Variants in FOXK1 observed in about 807,000 individuals in gnomAD.
FOXK1 encodes the protein forkhead box K1.
FOXK1 carries 19 observed loss-of-function variants against 51.9 expected under a neutral mutation model. That is an observed-to-expected ratio of 0.37 (90% confidence interval 0.26 to 0.54). The LOEUF (loss-of-function observed/expected upper bound fraction) is 0.54, where lower values mean the gene tolerates loss of function less well. Among genes scored for constraint, FOXK1 ranks in the 20% least tolerant of loss-of-function variants. FOXK1 has a pLI of 0.87. For synonymous variants in FOXK1, 537 were observed against 482.6 expected, an observed-to-expected ratio of 1.11 and a Z score of -1.48; for missense variants, 870 against 1,032.7, an observed-to-expected ratio of 0.84 and a Z score of 2.16.
intron 1 of FOXK1, among the ~76,000 whole-genome samples, chr7:4,700,159 C>T (rs143423778): frequency 4.6e-5 from 7 of 152,306 alleles, no homozygotes; most frequent in African/African-American, 1.4e-4. Context: ...TGTGGCCTGT[C>T]GTTGTTTGTG....
chr7:4,738,256 G>A (rs1157603400), intron 1 of FOXK1, among the ~76,000 whole-genome samples: 1 of 151,584 alleles, frequency 6.6e-6, no homozygotes, highest in South Asian at 2.1e-4. Context: ...GGCCAACATG[G>A]TGAAACCCCA....
In FOXK1 at chr7:4,714,105, T is replaced by G. The variant is rs115421213; in HGVS notation, c.561-26733T>G. On this transcript the variant is annotated intron_variant, in intron 1 of 8. Transcript: ENST00000328914. ...CTTCCCAGAGTGCTGGGATTACAGA[T>G]GTCAGCCACTGTGCCCAGCCTCTTG... Among the ~76,000 whole-genome samples the G allele has an allele frequency of 4.3e-3, 655 of 152,216 alleles. 6 individuals are homozygous for G. Among genetic ancestry groups the G allele is most frequent in the African/African-American group, 0.015 (632 of 41,526 alleles).
chr7:4,693,074 T>A (rs1779914149), intron 1 of FOXK1, among the ~76,000 whole-genome samples: 1 of 152,244 alleles, frequency 6.6e-6, no homozygotes. Flanking sequence ...TGTGTTACGT[T>A]AAAACCTATT....
In FOXK1 at chr7:4,723,160, T is replaced by C. The variant is rs1780337052; in HGVS notation, c.561-17678T>C. Among the ~76,000 whole-genome samples, 2 of 151,866 alleles carry C rather than the reference T, an allele frequency of 1.3e-5. No homozygotes were observed. Among genetic ancestry groups the C allele is most frequent in the Admixed American group, 1.3e-4 (2 of 15,220 alleles). ...GTGAGCGGAGCCAGCTTCAAAGCAC[T>C]GGGTCCAGGGCGCCTGCTCGCGGTC... is the stretch of plus-strand genomic sequence containing the variant. On this transcript the variant is annotated intron_variant, in intron 1 of 8. Coordinates refer to ENST00000328914, the MANE Select transcript of FOXK1 (RefSeq NM_001037165.2). This position sits in a 1 kb window ranked among gnomAD's most constrained non-coding sequence, Gnocchi z 4.7.
rs753094624 is a variant in FOXK1, at chr7:4,707,639, C to T, written c.560+24771C>T. The stretch of plus-strand genomic sequence containing the variant: ...GGGTCTTTGCAGTTGGCGTGTTCCC[C>T]GGTGCCATTCGTATCTGATTCATGC... On this transcript the variant is annotated intron_variant, in intron 1 of 8. Coordinates refer to ENST00000328914, the MANE Select transcript of FOXK1 (RefSeq NM_001037165.2). The surrounding 1 kb of genome is among the most constrained non-coding windows in gnomAD (Gnocchi z 4.1). Among the ~76,000 whole-genome samples, 23 of 151,702 alleles carry T rather than the reference C, an allele frequency of 1.5e-4. No individual in the cohort carries two copies. The highest frequency in any genetic ancestry group is 2.1e-4 in the South Asian group (1 of 4,820).
rs1201645698 is a variant in FOXK1 at position 4,771,326 on chromosome 7, ATTTAT to A, written c.*8867_*8871del. On this transcript the variant is annotated 3_prime_UTR_variant, in exon 9 of 9. Transcript: ENST00000328914. ...TTAAAATTTCTACTTTTTGTTTTTCATTTATTTTAACTGTTCTTTTATCTATTAAA... is the reference window on the plus strand; with the variant it reads ...TTAAAATTTCTACTTTTTGTTTTTCATTTAACTGTTCTTTTATCTATTAAA... 2.6e-5 allele frequency: 4 copies of A among 152,432 alleles called. No homozygotes were observed. The highest frequency in any genetic ancestry group is 9.7e-5 in the African/African-American group (4 of 41,364). 9.4% of individuals were successfully genotyped at this position (152,432 alleles called of 1,614,324 possible).
intron 2 of FOXK1, among the ~76,000 whole-genome samples, chr7:4,741,735 T>G (rs1247884147): frequency 6.6e-6 from 1 of 152,260 alleles, no homozygotes; most frequent in Non-Finnish European, 1.5e-5. Flanking sequence ...TTAATCTAGA[T>G]TTTGAAGAAA....
At chr7:4,706,037 T>C in intron 1 of FOXK1, among the ~76,000 whole-genome samples, 1 of 116,614 alleles carries the variant, frequency 8.6e-6, no homozygotes, top group Non-Finnish European at 1.6e-5. Context: ...TATATACGTG[T>C]ATATACGTGT....
chr7:4,684,523 G>A (rs1419898379), intron 1 of FOXK1, among the ~76,000 whole-genome samples: 1 of 152,166 alleles, frequency 6.6e-6, no homozygotes, highest in Non-Finnish European at 1.5e-5. Flanking sequence ...TCAGAACTCA[G>A]GAGATAACAA....
At chr7:4,728,774 T>C (rs1228652682) in intron 1 of FOXK1, among the ~76,000 whole-genome samples, 1 of 151,756 alleles carries the variant, frequency 6.6e-6, no homozygotes, top group African/African-American at 2.4e-5. Context: ...AACGTATTTT[T>C]CTTAAGTCGG....
intron 1 of FOXK1, among the ~76,000 whole-genome samples, chr7:4,686,833 G>A (rs996247311): frequency 1.3e-5 from 2 of 150,898 alleles, no homozygotes; most frequent in Non-Finnish European, 3.0e-5. Flanking sequence ...TCATGGGGGG[G>A]AATTCAGACA....
chr7:4,758,779 A>G lies in FOXK1; in HGVS notation c.1245-272A>G, dbSNP rs1780889356. On this transcript the variant is annotated intron_variant, in intron 5 of 8. Transcript: ENST00000328914. The surrounding 1 kb of genome is among the most constrained non-coding windows in gnomAD (Gnocchi z 4.4). ...ACCTGGCTGGACCTCGGTGGAAGTG[A>G]ACTCCGTAGGTTGTTGCGTTCACTG... 4 of 413,664 alleles carry G rather than the reference A, an allele frequency of 9.7e-6. No individual in the cohort carries two copies. The East Asian group carries it at 1.6e-4, about 17-fold the overall frequency. The allele number at this position is 413,664 out of a possible 1,614,324, so 25.6% of individuals were successfully genotyped here.
rs1780993492 is a variant in FOXK1 at position 4,765,142 on chromosome 7, AGAG to A, written c.*2683_*2685del. 1 of 153,762 alleles carries A rather than the reference AGAG, an allele frequency of 6.5e-6. No homozygotes were observed. Among genetic ancestry groups the A allele is most frequent in the African/African-American group, 2.4e-5 (1 of 41,474 alleles). The allele number at this position is 153,762 out of a possible 1,614,324, so 9.5% of individuals were successfully genotyped here. A position where few individuals can be genotyped will look rare whatever the true frequency, so the allele number is the denominator to read the frequency against. On this transcript the variant is annotated 3_prime_UTR_variant, in exon 9 of 9. Transcript: ENST00000328914. ...GCAGGGCAGGGAGAGGAGGGCAAGG[AGAG>A]GAGGCCTGGGTCCTGGATCCACTGC...
rs1334162253 is a variant in FOXK1, at chr7:4,766,134, A to C, written c.*3670A>C. 1 of 152,206 alleles carries C rather than the reference A, an allele frequency of 6.6e-6. No homozygotes were observed. Among genetic ancestry groups the C allele is most frequent in the East Asian group, 1.9e-4 (1 of 5,170 alleles). The allele number at this position is 152,206 out of a possible 1,614,324, so 9.4% of individuals were successfully genotyped here. A position where few individuals can be genotyped will look rare whatever the true frequency, so the allele number is the denominator to read the frequency against. On this transcript the variant is annotated 3_prime_UTR_variant, in exon 9 of 9. Coordinates refer to ENST00000328914, the MANE Select transcript of FOXK1 (RefSeq NM_001037165.2). The surrounding 1 kb of genome is among the most constrained non-coding windows in gnomAD (Gnocchi z 5.5). The stretch of plus-strand genomic sequence containing the variant: ...CCGTTGAGGGTGGAATCTGTCACTC[A>C]TGCCTTTGAGGGACCCAGATGGACC...
rs2115077041 is a variant in FOXK1, at chr7:4,761,356, T to C, written c.1921+68T>C. On this transcript the variant is annotated intron_variant, in intron 8 of 8. Transcript: ENST00000328914. The surrounding 1 kb of genome is among the most constrained non-coding windows in gnomAD (Gnocchi z 6.2). Reference sequence around the variant, plus strand: ...GTGGCTCCCAGTAGTCAGTGCGGCATGAGAATGTTCTCCCAGTATCTCCCG... The same window carrying C: ...GTGGCTCCCAGTAGTCAGTGCGGCACGAGAATGTTCTCCCAGTATCTCCCG... 2 of 1,453,004 alleles carry C rather than the reference T, an allele frequency of 1.4e-6. No homozygotes were observed. Among genetic ancestry groups the C allele is most frequent in the Non-Finnish European group, 9.4e-7 (1 of 1,062,236 alleles). 90.0% of individuals were successfully genotyped at this position (1,453,004 alleles called of 1,614,324 possible).
At chr7:4,717,232 G>A (rs547242628) in intron 1 of FOXK1, among the ~76,000 whole-genome samples, 28 of 141,608 alleles carry the variant, frequency 2.0e-4, no homozygotes, top group Middle Eastern at 3.9e-3. Context: ...AGGTGGTGGC[G>A]AGAGGCATGT....
intron 1 of FOXK1, among the ~76,000 whole-genome samples, chr7:4,732,868 A>G (rs1288876583): frequency 1.3e-5 from 2 of 152,136 alleles, no homozygotes; most frequent in Non-Finnish European, 2.9e-5. Flanking sequence ...CCTCTTTCCC[A>G]TAGCGCAGAG....
rs1780175332 is a variant in FOXK1, at chr7:4,711,624, G to A, written c.560+28756G>A. ...GCCACTCCTCGGCATTGTGTGGATG[G>A]GCGGTAGTGAGAATAATTACTAAGG... is the stretch of plus-strand genomic sequence containing the variant. On this transcript the variant is annotated intron_variant, in intron 1 of 8. Coordinates refer to ENST00000328914, the MANE Select transcript of FOXK1 (RefSeq NM_001037165.2). The surrounding 1 kb of genome is among the most constrained non-coding windows in gnomAD (Gnocchi z 6.3). Among the ~76,000 whole-genome samples, 1 of 152,134 alleles carries A rather than the reference G, an allele frequency of 6.6e-6. No homozygotes were observed. The highest frequency in any genetic ancestry group is 2.1e-4 in the South Asian group (1 of 4,836).
intron 1 of FOXK1, among the ~76,000 whole-genome samples, chr7:4,685,788 C>T (rs1311604521): frequency 6.6e-6 from 1 of 151,692 alleles, no homozygotes; most frequent in East Asian, 2.0e-4. Flanking sequence ...ACTAAAAATA[C>T]AAAAATTAGC....
Sources: allele counts gnomAD v4.1 joint callset (sites outside exome capture counted in the v4.1 genomes callset), GRCh38; gene constraint gnomAD v4.1.1; non-coding constraint Gnocchi (gnomAD v3.1); transcripts MANE v1.5; gene names NCBI Gene and HGNC (gene_info 2026-07-23, HGNC 2026-07-21).